EFR3A: variants seen among roughly 807,000 people sequenced by gnomAD.
EFR3A encodes the protein protein EFR3 homolog A.
In EFR3A, 76 loss-of-function variants were observed where a neutral mutation model predicts 104.4. The observed-to-expected ratio is 0.73, with a 90% CI of 0.60 to 0.88. The LOEUF is 0.88. Among genes scored for constraint, EFR3A ranks in the 40% least tolerant of loss-of-function variants. EFR3A has a pLI of 0.00. For missense variants in EFR3A, 985 were observed against 1,012.5 expected, an observed-to-expected ratio of 0.97 and a Z score of 0.37; for synonymous variants, 330 against 330.0, an observed-to-expected ratio of 1.00 and a Z score of 0.00.
intron 12 of EFR3A, among the ~76,000 whole-genome samples, chr8:131,978,467 T>C (rs949907463): frequency 1.3e-5 from 2 of 152,176 alleles, no homozygotes; most frequent in African/African-American, 4.8e-5. Context: ...TTACTTTTAC[T>C]CTTTGTCACC....
At chr8:131,956,981 A>C (rs144342801) in intron 7 of EFR3A, among the ~76,000 whole-genome samples, 43 of 152,290 alleles carry the variant, frequency 2.8e-4, no homozygotes, top group Admixed American at 1.4e-3. Flanking sequence ...GGCCTTAAAA[A>C]TCTAGAGAGC....
At chr8:131,907,388 T>G (rs1225618026) in intron 1 of EFR3A, among the ~76,000 whole-genome samples, 6 of 152,228 alleles carry the variant, frequency 3.9e-5, no homozygotes, top group Non-Finnish European at 7.3e-5. Context: ...TGCTCTTTTA[T>G]TTTATATGAA....
chr8:131,963,057 C>T (rs1171735371), intron 8 of EFR3A, among the ~76,000 whole-genome samples: 2 of 152,148 alleles, frequency 1.3e-5, no homozygotes, highest in Non-Finnish European at 2.9e-5. Flanking sequence ...ATCTCTGGGA[C>T]ACATTTAAAG....
At chr8:131,996,693 TC>T (rs1563702586) in intron 19 of EFR3A, among the ~76,000 whole-genome samples, 196 bp downstream of exon 19, 1 of 152,094 alleles carries the variant, frequency 6.6e-6, no homozygotes, top group Non-Finnish European at 1.5e-5. Flanking sequence ...ATTTCAGCTG[TC>T]TGTAAAGATA....
intron 1 of EFR3A, chr8:131,938,181 G>A (rs1818000930): frequency 5.0e-6 from 2 of 396,882 alleles, no homozygotes; most frequent in Non-Finnish European, 8.9e-6. Context: ...TAGGTAAAAG[G>A]ATCTAGAGTC....
chr8:131,965,050 T>C (rs553976480), intron 8 of EFR3A, among the ~76,000 whole-genome samples: 1 of 152,124 alleles, frequency 6.6e-6, no homozygotes, highest in East Asian at 1.9e-4. Flanking sequence ...CCTTACACCT[T>C]ATACAAAAAT....
intron 1 of EFR3A, among the ~76,000 whole-genome samples, chr8:131,906,348 T>G (rs76626836): frequency 1.4e-4 from 22 of 152,290 alleles, no homozygotes; most frequent in African/African-American, 5.3e-4. Context: ...TAAGTGTTTT[T>G]GTTTGATTGG....
At chr8:131,963,928 G>A (rs975171953) in intron 8 of EFR3A, among the ~76,000 whole-genome samples, 2 of 152,166 alleles carry the variant, frequency 1.3e-5, no homozygotes, top group East Asian at 1.9e-4. Context: ...TACGCAAATC[G>A]ATAAATGTAA....
rs376822246 is a variant in EFR3A at position 132,001,816 on chromosome 8, T to C, written c.2206+9T>C. ...ATTGAAGAAAGCAATTGGTGAGATA[T>C]TTTGCACTTGTTAGTACTACCAATA... is the stretch of plus-strand genomic sequence containing the variant. On this transcript the variant is annotated intron_variant, in intron 20 of 22. Coordinates refer to ENST00000254624, the MANE Select transcript of EFR3A (RefSeq NM_015137.6). The C allele has an allele frequency of 2.5e-6, 4 of 1,611,852 alleles. No homozygotes were observed. The East Asian group carries it at 6.7e-5, about 27-fold the overall frequency.
chr8:131,999,498 A>T (rs1051308597), intron 19 of EFR3A, among the ~76,000 whole-genome samples: 1 of 152,240 alleles, frequency 6.6e-6, no homozygotes, highest in Admixed American at 6.5e-5. Flanking sequence ...AAAGTCATAG[A>T]TTATAAAGGG....
intron 1 of EFR3A, among the ~76,000 whole-genome samples, chr8:131,914,633 C>T (rs926435066): frequency 1.3e-5 from 2 of 152,016 alleles, no homozygotes; most frequent in African/African-American, 2.4e-5. Context: ...GCTGGAGCAG[C>T]TCTGTTTTTT....
intron 1 of EFR3A, among the ~76,000 whole-genome samples, chr8:131,923,208 C>T (rs1020717693): frequency 1.6e-4 from 24 of 151,986 alleles, no homozygotes; most frequent in Admixed American, 1.0e-3. Context: ...ATCGTTATTT[C>T]GGCAAAGTAT....
At chr8:131,954,133 T>C (rs1296247260) in intron 6 of EFR3A, among the ~76,000 whole-genome samples, 166 bp downstream of exon 6, 1 of 152,106 alleles carries the variant, frequency 6.6e-6, no homozygotes, top group African/African-American at 2.4e-5. Context: ...TACTCTGTAG[T>C]GATCACATTA....
chr8:131,984,983 A>C lies in EFR3A; in HGVS notation c.1792A>C (p.Met598Leu). The stretch of plus-strand genomic sequence containing the variant: ...GCCAATGTTCCATCGTTGTGGAATC[A>C]TGGCACTGGTTGCAGCATACCTCAA... ...NLPMFHRCGI[M>L]ALVAAYLNFV... The change falls in exon 16 of 23, where the codon ATG (methionine) becomes CTG (leucine). Residue 598 changes from methionine (M) to leucine (L), a missense_variant. Physicochemically the swap from Met to Leu is conservative, Grantham distance 15. Coordinates refer to ENST00000254624, the MANE Select transcript of EFR3A (RefSeq NM_015137.6). The C allele has an allele frequency of 6.2e-7, 1 of 1,613,636 alleles. No homozygotes were observed. The highest frequency in any genetic ancestry group is 8.5e-7 in the Non-Finnish European group (1 of 1,179,642).
At chr8:131,992,635 C>CT (rs763708587) in intron 18 of EFR3A, among the ~76,000 whole-genome samples, 6 of 152,112 alleles carry the variant, frequency 3.9e-5, no homozygotes, top group Non-Finnish European at 8.8e-5. Flanking sequence ...ATATTTAACA[C>CT]TTTAAGGAAG....
rs1483958507 is a variant in EFR3A, at chr8:132,013,087, C to T, written c.*2192C>T. 6.6e-6 allele frequency: 1 copy of T among 152,146 alleles called. No individual in the cohort carries two copies. The highest frequency in any genetic ancestry group is 2.4e-5 in the African/African-American group (1 of 41,430). The allele number at this position is 152,146 out of a possible 1,614,324, so 9.4% of individuals were successfully genotyped here. On this transcript the variant is annotated 3_prime_UTR_variant, in exon 23 of 23. Transcript: ENST00000254624. ...AGATTCTGCAGGAACTGGGTGTGCACACGGTGTTGTAGCCAGTTCAGGTAC... is the reference window on the plus strand; with the variant it reads ...AGATTCTGCAGGAACTGGGTGTGCATACGGTGTTGTAGCCAGTTCAGGTAC...
At chr8:131,979,199 C>G (rs1820475934) in intron 13 of EFR3A, 147 bp from the exon 14 acceptor site, 1 of 889,884 alleles carries the variant, frequency 1.1e-6, no homozygotes, top group East Asian at 2.7e-5. Context: ...TTTTGGAGGG[C>G]ACGTATGTAC....
chr8:131,998,820 G>A (rs934221295), intron 19 of EFR3A, among the ~76,000 whole-genome samples: 2 of 151,912 alleles, frequency 1.3e-5, no homozygotes, highest in Admixed American at 6.6e-5. Flanking sequence ...ATTGGTGGTT[G>A]ACTTTAGACG....
intron 9 of EFR3A, among the ~76,000 whole-genome samples, chr8:131,969,367 AC>A (rs1819926405): frequency 6.6e-6 from 1 of 152,068 alleles, no homozygotes; most frequent in Non-Finnish European, 1.5e-5. Context: ...CTCTGCAGGT[AC>A]TCAAATTCTG....
Sources: gnomAD v4.1 joint callset for allele counts (sites outside exome capture counted in the v4.1 genomes callset) on GRCh38, gnomAD v4.1.1 for gene constraint, MANE v1.5 for transcripts, NCBI Gene and HGNC (gene_info 2026-07-23, HGNC 2026-07-21) for gene names.